RPRD1B: variants seen among roughly 807,000 people sequenced by gnomAD.
RPRD1B encodes the protein regulation of nuclear pre-mRNA domain containing 1B, also known as regulation of nuclear pre-mRNA domain-containing protein 1B.
RPRD1B carries 11 observed loss-of-function variants against 41.5 expected under a neutral mutation model. The ratio of observed to expected loss-of-function variants is 0.27; its 90% CI spans 0.17 to 0.44. The LOEUF is 0.44. RPRD1B is among the 20% of genes least tolerant of loss of function. The pLI is 1.00. For missense variants in RPRD1B, 248 were observed against 389.9 expected, an observed-to-expected ratio of 0.64 and a Z score of 3.06; for synonymous variants, 158 against 155.6, an observed-to-expected ratio of 1.02 and a Z score of -0.12.
At chr20:38,066,373 T>C in intron 6 of RPRD1B, 117 bp downstream of exon 6, 1 of 979,466 alleles carries the variant, frequency 1.0e-6, no homozygotes, top group Non-Finnish European at 1.5e-6. Flanking sequence ...ATTCATGATG[T>C]GAATTCTGAA....
intron 6 of RPRD1B, chr20:38,070,508 A>G (rs1249891915): frequency 1.0e-6 from 1 of 985,412 alleles, no homozygotes; most frequent in African/African-American, 1.7e-5. Flanking sequence ...TGTGGTTGAC[A>G]GAGGTGACTA....
Position 38,059,922 on chromosome 20 carries a change from A to G in RPRD1B, c.655+402A>G, listed in dbSNP as rs149007840. Reference sequence around the variant, plus strand: ...TGTGATTTGTGCCCTGCTCTCTGACAAGCCCCGTAGATGATAGTGCGTTCA... The same window carrying G: ...TGTGATTTGTGCCCTGCTCTCTGACGAGCCCCGTAGATGATAGTGCGTTCA... On this transcript the variant is annotated intron_variant, in intron 5 of 6. Transcript: ENST00000373433. Among the ~76,000 whole-genome samples the G allele has an allele frequency of 4.9e-3, 746 of 152,262 alleles. 4 individuals carry two copies. The highest frequency in any genetic ancestry group is 0.017 in the African/African-American group (722 of 41,548).
intron 3 of RPRD1B, among the ~76,000 whole-genome samples, chr20:38,050,639 G>C (rs2074175891): frequency 6.6e-6 from 1 of 152,206 alleles, no homozygotes; most frequent in Non-Finnish European, 1.5e-5. Context: ...GAAAGAGGGA[G>C]AAAAGAGTGA....
chr20:38,066,523 C>T (rs1284370184), intron 6 of RPRD1B, among the ~76,000 whole-genome samples: 3 of 152,054 alleles, frequency 2.0e-5, no homozygotes, highest in Non-Finnish European at 2.9e-5. Flanking sequence ...ATATTGCTTT[C>T]GTTTGAACTC....
intron 4 of RPRD1B, 23 bp downstream of exon 4, chr20:38,057,667 T>A: frequency 6.5e-7 from 1 of 1,530,178 alleles, no homozygotes; most frequent in Non-Finnish European, 9.1e-7. Context: ...CCCCAGAGAG[T>A]AGGGAACAGT....
Position 38,076,906 on chromosome 20 carries a change from C to CTTTTTTTTTTTTTT in RPRD1B, c.831+10667_831+10680dup, listed in dbSNP as rs573460686. On this transcript the variant is annotated intron_variant, in intron 6 of 6. Coordinates refer to ENST00000373433, the MANE Select transcript of RPRD1B (RefSeq NM_021215.4). ...CCTTTAGCCTTTTCTCATTCTGGAC[C>CTTTTTTTTTTTTTT]TTTTTTTTTTTTTTTTTTTTTTTTT... Among the ~76,000 whole-genome samples, 92 of 63,518 alleles carry CTTTTTTTTTTTTTT rather than the reference C, an allele frequency of 1.4e-3. 23 individuals are homozygous for CTTTTTTTTTTTTTT. The highest frequency in any genetic ancestry group is 1.7e-3 in the Non-Finnish European group (60 of 36,256). 41.7% of individuals were successfully genotyped at this position (63,518 alleles called of 152,430 possible).
chr20:38,087,737 G>A (rs968166068), intron 6 of RPRD1B, among the ~76,000 whole-genome samples: 3 of 152,170 alleles, frequency 2.0e-5, no homozygotes, highest in Non-Finnish European at 1.5e-5. Context: ...TGGGAGAAAG[G>A]GGGTTCAGAT....
In RPRD1B at chr20:38,039,750, T is replaced by C. The variant is rs537947906; in HGVS notation, c.152-685T>C. ...CTAACTCAGTCTTTTTTTTTTTTTT[T>C]TGAGACAGAGTCTTGCTCTATTGCC... On this transcript the variant is annotated intron_variant, in intron 1 of 6. Transcript: ENST00000373433. 4.6e-5 allele frequency among the ~76,000 whole-genome samples: 7 copies of C among 151,556 alleles called. 1 individual carries two copies. The South Asian group carries it at 1.5e-3, about 32-fold the overall frequency.
At position 38,067,713 on chromosome 20, in the gene RPRD1B, G is replaced by A. The variant is rs1421512043; in HGVS notation, c.831+1457G>A. Among the ~76,000 whole-genome samples, 4 of 152,180 alleles carry A rather than the reference G, an allele frequency of 2.6e-5. 1 individual carries two copies. The highest frequency in any genetic ancestry group is 1.9e-4 in the East Asian group (1 of 5,200). ...ATCCTACAGCTTAGATTTAGACATC[G>A]GCACTGACCAGAGATCCTAAAGGGA... is the stretch of plus-strand genomic sequence containing the variant. On this transcript the variant is annotated intron_variant, in intron 6 of 6. Transcript: ENST00000373433.
intron 6 of RPRD1B, among the ~76,000 whole-genome samples, chr20:38,068,011 C>T (rs2074374421): frequency 6.6e-6 from 1 of 152,200 alleles, no homozygotes; most frequent in African/African-American, 2.4e-5. Flanking sequence ...GTTGGTAGAG[C>T]TGGTTAACTC....
At chr20:38,052,973 G>T (rs2074203469) in intron 3 of RPRD1B, among the ~76,000 whole-genome samples, 1 of 151,960 alleles carries the variant, frequency 6.6e-6, no homozygotes, top group African/African-American at 2.4e-5. Flanking sequence ...AGGTAACGAG[G>T]ATTACTTAAG....
At position 38,090,598 on chromosome 20, in the gene RPRD1B, C is replaced by T; in HGVS notation, c.*723C>T. The T allele has an allele frequency of 1.0e-6, 1 of 985,542 alleles. No homozygotes were observed. Among genetic ancestry groups the T allele is most frequent in the Non-Finnish European group, 1.2e-6 (1 of 829,940 alleles). The allele number at this position is 985,542 out of a possible 1,614,324, so 61.0% of individuals were successfully genotyped here. A position where few individuals can be genotyped will look rare whatever the true frequency, so the allele number is the denominator to read the frequency against. Reference sequence around the variant, plus strand: ...TTTATTTGCTTCAAGTTCCTAGATACAACCTTCCCATGCTGCACTTCTCCA... The same window carrying T: ...TTTATTTGCTTCAAGTTCCTAGATATAACCTTCCCATGCTGCACTTCTCCA... On this transcript the variant is annotated 3_prime_UTR_variant, in exon 7 of 7. Coordinates refer to ENST00000373433, the MANE Select transcript of RPRD1B (RefSeq NM_021215.4).
chr20:38,088,396 G>A (rs2074581538), intron 6 of RPRD1B, among the ~76,000 whole-genome samples: 1 of 152,216 alleles, frequency 6.6e-6, no homozygotes, highest in Admixed American at 6.5e-5. Flanking sequence ...TGGAAGAAGG[G>A]AACACATCCA....
chr20:38,070,738 AT>A (rs201175296), intron 6 of RPRD1B: 86,227 of 845,154 alleles, frequency 0.1, no homozygotes, highest in Non-Finnish European at 0.11. Flanking sequence ...CTTAACTGTG[AT>A]TTTTTTTTTT....
At chr20:38,063,322 C>T (rs1452912700) in intron 5 of RPRD1B, among the ~76,000 whole-genome samples, 1 of 152,180 alleles carries the variant, frequency 6.6e-6, no homozygotes, top group Non-Finnish European at 1.5e-5. Context: ...GATAAGTAAG[C>T]ATAATATTTA....
intron 3 of RPRD1B, among the ~76,000 whole-genome samples, chr20:38,052,211 A>G (rs1486217905): frequency 1.3e-5 from 2 of 152,236 alleles, no homozygotes; most frequent in Non-Finnish European, 2.9e-5. Flanking sequence ...CAGTGGGGCA[A>G]TGATACGAGT....
At chr20:38,071,446 A>G (rs1440166050) in intron 6 of RPRD1B, among the ~76,000 whole-genome samples, 1 of 152,222 alleles carries the variant, frequency 6.6e-6, no homozygotes, top group Non-Finnish European at 1.5e-5. Flanking sequence ...GTCTATGGAC[A>G]TTTGAGTTGT....
intron 6 of RPRD1B, among the ~76,000 whole-genome samples, chr20:38,088,926 G>A (rs2074587506): frequency 6.6e-6 from 1 of 152,160 alleles, no homozygotes; most frequent in Non-Finnish European, 1.5e-5. Flanking sequence ...GCTAGGGCTA[G>A]GAGAAGAGAG....
At chr20:38,083,739 G>T (rs953926982) in intron 6 of RPRD1B, among the ~76,000 whole-genome samples, 1 of 152,174 alleles carries the variant, frequency 6.6e-6, no homozygotes, top group Non-Finnish European at 1.5e-5. Context: ...CTTTATTACG[G>T]GTTTTGATAG....
Sources: allele counts gnomAD v4.1 joint callset (sites outside exome capture counted in the v4.1 genomes callset), GRCh38; gene constraint gnomAD v4.1.1; transcripts MANE v1.5; gene names NCBI Gene and HGNC (gene_info 2026-07-23, HGNC 2026-07-21).